Variants in MYO7B observed in about 807,000 individuals in gnomAD.
MYO7B encodes myosin VIIB.
In MYO7B, 212 loss-of-function variants were observed where a neutral mutation model predicts 259.7. The ratio of observed to expected loss-of-function variants is 0.82; its 90% CI spans 0.73 to 0.91. The LOEUF (loss-of-function observed/expected upper bound fraction) is 0.91, where lower values mean the gene tolerates loss of function less well. Ranked by LOEUF, MYO7B falls within the 40% of genes least tolerant of loss-of-function variation. The pLI is 0.00. For synonymous variants in MYO7B, 1,197 were observed against 1,166.4 expected (o/e 1.03, Z -0.54); for missense variants, 2,732 against 2,813.5 (o/e 0.97, Z 0.66).
At position 127,636,698 on chromosome 2, in the gene MYO7B, C is replaced by A; in HGVS notation, c.6207+70C>A. ...GGACCTGTGCAGGTGGGGCTGCAGT[C>A]ATCTCTGCGGTGTGTCCTGCCTCTC... On this transcript the variant is annotated intron_variant, in intron 46 of 47. Coordinates refer to ENST00000409816, the MANE Select transcript of MYO7B (RefSeq NM_001393586.1). This position sits in a 1 kb window ranked among gnomAD's most constrained non-coding sequence, Gnocchi z 4.5. 6.2e-7 allele frequency: 1 copy of A among 1,608,210 alleles called. No individual in the cohort carries two copies. Among genetic ancestry groups the A allele is most frequent in the South Asian group, 1.1e-5 (1 of 90,620 alleles).
chr2:127,624,757 C>G (rs925961509), intron 30 of MYO7B, among the ~76,000 whole-genome samples: 1 of 152,188 alleles, frequency 6.6e-6, no homozygotes, highest in South Asian at 2.1e-4. Flanking sequence ...CTGGACCGTG[C>G]GGAGTGTACC....
At chr2:127,567,726 C>G (rs189430019) in intron 5 of MYO7B, among the ~76,000 whole-genome samples, 111 of 152,310 alleles carry the variant, frequency 7.3e-4, no homozygotes, top group African/African-American at 2.3e-3. Flanking sequence ...CAACTGAGTG[C>G]CCCCAACTGT....
intron 17 of MYO7B, 99 bp from the exon 18 acceptor site, chr2:127,593,446 TG>T: frequency 1.7e-6 from 2 of 1,194,010 alleles, no homozygotes; most frequent in Non-Finnish European, 1.2e-6. Flanking sequence ...CAGCCCCTGA[TG>T]GGGGAGCCTG....
rs754496239 is a variant in MYO7B at position 127,609,911 on chromosome 2, G to A, written c.3087G>A (p.Leu1029=). The change falls in exon 24 of 48, where the codon CTG becomes CTA. Residue 1029 remains leucine (L), a synonymous_variant. Transcript: ENST00000409816. This position sits in a 1 kb window ranked among gnomAD's most constrained non-coding sequence, Gnocchi z 6.9. The part of the protein sequence containing the change: ...RFMGDLPEPV[L]YARSSQQGSS... ...TGGGTGATCTCCCAGAGCCAGTGCTGTATGCCAGGAGCAGCCAGCAGGGCA... is the reference window on the plus strand; with the variant it reads ...TGGGTGATCTCCCAGAGCCAGTGCTATATGCCAGGAGCAGCCAGCAGGGCA... 6.8e-6 allele frequency: 11 copies of A among 1,610,970 alleles called. No individual in the cohort carries two copies. Among genetic ancestry groups the A allele is most frequent in the Admixed American group, 3.4e-5 (2 of 59,516 alleles).
chr2:127,558,885 T>A (rs1677946960), intron 1 of MYO7B, among the ~76,000 whole-genome samples: 1 of 152,110 alleles, frequency 6.6e-6, no homozygotes. Flanking sequence ...CTTTGGGGAC[T>A]CGGGGAAAGG....
chr2:127,574,630 T>C (rs1279198235), intron 7 of MYO7B, among the ~76,000 whole-genome samples: 4 of 152,232 alleles, frequency 2.6e-5, no homozygotes, highest in African/African-American at 9.6e-5. Context: ...CTAGAATTAA[T>C]TCTGAGACTA....
At chr2:127,536,323 A>C (rs1692774027) in intron 1 of MYO7B, among the ~76,000 whole-genome samples, 1 of 152,178 alleles carries the variant, frequency 6.6e-6, no homozygotes, top group Admixed American at 6.5e-5. Context: ...CATGGAAGCG[A>C]AGGTGCCCAC....
At position 127,615,078 on chromosome 2, in the gene MYO7B, G is replaced by C. The variant is rs1000874220; in HGVS notation, c.3398+2475G>C. On this transcript the variant is annotated intron_variant, in intron 26 of 47. Coordinates refer to ENST00000409816, the MANE Select transcript of MYO7B (RefSeq NM_001393586.1). This position sits in a 1 kb window ranked among gnomAD's most constrained non-coding sequence, Gnocchi z 4.4. ...CTGGAGGAGCTCACCCTTTAGCTGG[G>C]GGGCACGAGAGGACCAGGAAATTCA... 6.6e-5 allele frequency among the ~76,000 whole-genome samples: 10 copies of C among 152,140 alleles called. No individual in the cohort carries two copies. Among genetic ancestry groups the C allele is most frequent in the African/African-American group, 2.4e-4 (10 of 41,428 alleles).
intron 30 of MYO7B, among the ~76,000 whole-genome samples, chr2:127,624,775 C>T (rs974425141): frequency 2.0e-5 from 3 of 152,156 alleles, no homozygotes; most frequent in African/African-American, 7.2e-5. Context: ...ACCGGGAGCT[C>T]TTTTGTAGGG....
At chr2:127,620,307 C>T (rs1212250967) in intron 26 of MYO7B, 33 bp from the exon 27 acceptor site, 2 of 1,583,802 alleles carry the variant, frequency 1.3e-6, no homozygotes, top group Non-Finnish European at 1.7e-6. Flanking sequence ...CTCCAGCCCC[C>T]AGCCTACTCT....
intron 14 of MYO7B, among the ~76,000 whole-genome samples, chr2:127,588,005 A>G (rs1009791126): frequency 6.6e-6 from 1 of 152,212 alleles, no homozygotes; most frequent in Non-Finnish European, 1.5e-5. Context: ...TTAGGACACC[A>G]ACATATGAAT....
Position 127,584,096 on chromosome 2 carries a change from C to A in MYO7B, c.1344-26C>A. On this transcript the variant is annotated intron_variant, in intron 12 of 47. Transcript: ENST00000409816. This position sits in a 1 kb window ranked among gnomAD's most constrained non-coding sequence, Gnocchi z 5.8. The stretch of plus-strand genomic sequence containing the variant: ...GGGACTCAGCTGGCCCCACTCCACC[C>A]CTGGGCAGTGACCTTGCCTCCACAG... The A allele has an allele frequency of 3.1e-6, 5 of 1,599,474 alleles. No individual in the cohort carries two copies. Among genetic ancestry groups the A allele is most frequent in the Non-Finnish European group, 4.3e-6 (5 of 1,172,470 alleles).
Position 127,586,378 on chromosome 2 carries a change from C to T in MYO7B, c.1690+1465C>T, listed in dbSNP as rs1158916794. 6.6e-6 allele frequency among the ~76,000 whole-genome samples: 1 copy of T among 152,166 alleles called. No individual in the cohort carries two copies. Among genetic ancestry groups the T allele is most frequent in the Non-Finnish European group, 1.5e-5 (1 of 68,046 alleles). Reference sequence around the variant, plus strand: ...GCGGCCAGAGGGTCACTCTCTGCCCCTCATGTGGAGGAATGAGGAGGTGTT... The same window carrying T: ...GCGGCCAGAGGGTCACTCTCTGCCCTTCATGTGGAGGAATGAGGAGGTGTT... On this transcript the variant is annotated intron_variant, in intron 14 of 47. Transcript: ENST00000409816. This position sits in a 1 kb window ranked among gnomAD's most constrained non-coding sequence, Gnocchi z 4.8.
chr2:127,622,309 A>C (rs1189982539), intron 28 of MYO7B, among the ~76,000 whole-genome samples: 1 of 151,964 alleles, frequency 6.6e-6, no homozygotes, highest in East Asian at 1.9e-4. Context: ...CTCCAAATCC[A>C]TATTCCTTTA....
chr2:127,576,955 C>G lies in MYO7B; in HGVS notation c.849+247C>G, dbSNP rs941926769. ...GGACCCGGGGCCTCCCCGCAGACCT[C>G]ATCTTCCTTTGGTCCCCACTGGATG... On this transcript the variant is annotated intron_variant, in intron 8 of 47. Transcript: ENST00000409816. This position sits in a 1 kb window ranked among gnomAD's most constrained non-coding sequence, Gnocchi z 4.9. Among the ~76,000 whole-genome samples the G allele has an allele frequency of 1.3e-5, 2 of 151,860 alleles. No homozygotes were observed. The highest frequency in any genetic ancestry group is 1.5e-5 in the Non-Finnish European group (1 of 67,910).
At chr2:127,541,856 C>A (rs1186647549) in intron 1 of MYO7B, among the ~76,000 whole-genome samples, 1 of 152,246 alleles carries the variant, frequency 6.6e-6, no homozygotes, top group East Asian at 1.9e-4. Context: ...GCACCAGGCT[C>A]TCCAAGAGCA....
chr2:127,554,885 C>A (rs1156963148), intron 1 of MYO7B, among the ~76,000 whole-genome samples: 1 of 151,850 alleles, frequency 6.6e-6, no homozygotes, highest in Admixed American at 6.6e-5. Context: ...GTTCAAGTAG[C>A]CTTAAATGAT....
At chr2:127,579,284 T>C (rs1679006182) in intron 9 of MYO7B, among the ~76,000 whole-genome samples, 1 of 152,214 alleles carries the variant, frequency 6.6e-6, no homozygotes. Context: ...GGAGAGACCA[T>C]TCTCAAAGCA....
In MYO7B at chr2:127,622,072, G is replaced by A. The variant is rs1419331201; in HGVS notation, c.3616G>A (p.Ala1206Thr). 6.4e-7 allele frequency: 1 copy of A among 1,550,762 alleles called. No homozygotes were observed. The highest frequency in any genetic ancestry group is 2.4e-5 in the East Asian group (1 of 40,878). Residue 1206 changes from alanine to threonine, a missense_variant, in exon 28 of 48, where the codon GCG becomes ACG. By Grantham distance (58) the Ala-to-Thr change is moderately conservative. Coordinates refer to ENST00000409816, the MANE Select transcript of MYO7B (RefSeq NM_001393586.1). Reference protein sequence around the residue: ...LRRTYANGVRAEPPTWLELQA... With the variant: ...LRRTYANGVRTEPPTWLELQA... ...ACGCACCTATGCCAATGGGGTGCGTGCGGAGCCCCCCACCTGGCTGGAGCT... is the reference window on the plus strand; with the variant it reads ...ACGCACCTATGCCAATGGGGTGCGTACGGAGCCCCCCACCTGGCTGGAGCT...
Sources: allele counts gnomAD v4.1 joint callset (sites outside exome capture counted in the v4.1 genomes callset), GRCh38; gene constraint gnomAD v4.1.1; non-coding constraint Gnocchi (gnomAD v3.1); transcripts MANE v1.5; gene names NCBI Gene and HGNC (gene_info 2026-07-23, HGNC 2026-07-21).